ABCD3: variants seen among roughly 807,000 people sequenced by gnomAD.
The protein encoded by ABCD3 is ATP-binding cassette sub-family D member 3.
A neutral mutation model predicts 105.5 loss-of-function variants in ABCD3; 41 were observed. The observed-to-expected ratio is 0.39, with a 90% CI of 0.30 to 0.50. The LOEUF is 0.50. ABCD3 is among the 20% of genes least tolerant of loss of function. The pLI, the probability that ABCD3 is intolerant of heterozygous loss-of-function variation, is 0.84. For missense variants in ABCD3, 622 were observed against 806.3 expected, an observed-to-expected ratio of 0.77 and a Z score of 2.77; for synonymous variants, 258 against 269.0, an observed-to-expected ratio of 0.96 and a Z score of 0.40.
At chr1:94,436,002 T>C (rs1242125693) in intron 1 of ABCD3, among the ~76,000 whole-genome samples, 2 of 152,234 alleles carry the variant, frequency 1.3e-5, no homozygotes, top group African/African-American at 4.8e-5. Context: ...ATAGCTTCCT[T>C]GCTGTCTGTA....
At chr1:94,444,735 G>T (rs1191871905) in intron 1 of ABCD3, among the ~76,000 whole-genome samples, 1 of 152,150 alleles carries the variant, frequency 6.6e-6, no homozygotes, top group Non-Finnish European at 1.5e-5. Flanking sequence ...TCTGTGGGTG[G>T]CTGGGCAGTT....
chr1:94,468,169 C>T (rs1457817133), intron 4 of ABCD3, among the ~76,000 whole-genome samples, 162 bp downstream of exon 4: 2 of 152,158 alleles, frequency 1.3e-5, no homozygotes, highest in African/African-American at 4.8e-5. Context: ...TAGTGTTTCC[C>T]ATGTGCCAGG....
intron 1 of ABCD3, among the ~76,000 whole-genome samples, chr1:94,432,904 G>C (rs905239743): frequency 1.3e-5 from 2 of 151,660 alleles, no homozygotes; most frequent in African/African-American, 4.8e-5. Flanking sequence ...GCTCAGACTG[G>C]AGTGCAGTGG....
At chr1:94,439,053 ATTC>A (rs887022708) in intron 1 of ABCD3, among the ~76,000 whole-genome samples, 1 of 152,186 alleles carries the variant, frequency 6.6e-6, no homozygotes, top group Admixed American at 6.5e-5. Flanking sequence ...CTTTATAGTC[ATTC>A]TTCTTGTCCA....
At chr1:94,511,457 A>C (rs1650668982) in intron 21 of ABCD3, among the ~76,000 whole-genome samples, 1 of 151,860 alleles carries the variant, frequency 6.6e-6, no homozygotes, top group African/African-American at 2.4e-5. Context: ...GGTGAATCTG[A>C]CAATTATGTG....
chr1:94,412,163 A>T, the ABCD3 span, among the ~76,000 whole-genome samples: 1 of 152,206 alleles, frequency 6.6e-6, no homozygotes, highest in Non-Finnish European at 1.5e-5. Context: ...ACGTCACCTC[A>T]TTAAAAAAAT....
Position 94,506,593 on chromosome 1 carries a change from GT to G in ABCD3, c.1797del (p.Ser599ArgfsTer52). On this transcript the variant is annotated frameshift_variant, in exon 21 of 23. Transcript: ENST00000370214. LOFTEE classifies it high-confidence loss of function. ...PQFAILDECT[S>X]AVSVDVEGYI... ...TTTGCCATTTTGGATGAATGCACAAGTGCAGTTAGTGTCGACGTGGAAGGCT... is the reference window on the plus strand; with the variant it reads ...TTTGCCATTTTGGATGAATGCACAAGGCAGTTAGTGTCGACGTGGAAGGCT... 2 of 1,613,066 alleles carry G rather than the reference GT, an allele frequency of 1.2e-6. No homozygotes were observed. Among genetic ancestry groups the G allele is most frequent in the Non-Finnish European group, 1.7e-6 (2 of 1,179,340 alleles).
chr1:94,455,554 A>T (rs769773804), intron 1 of ABCD3, among the ~76,000 whole-genome samples: 4 of 152,100 alleles, frequency 2.6e-5, no homozygotes, highest in Non-Finnish European at 5.9e-5. Flanking sequence ...CAAACTCCCG[A>T]CTTCAGGTGA....
intron 20 of ABCD3, among the ~76,000 whole-genome samples, chr1:94,506,113 T>C (rs1650337885): frequency 6.6e-6 from 1 of 152,174 alleles, no homozygotes; most frequent in Non-Finnish European, 1.5e-5. Context: ...AAATTATTGG[T>C]GAGAATATTA....
intron 13 of ABCD3, among the ~76,000 whole-genome samples, chr1:94,488,910 T>C (rs374740029): frequency 1.8e-4 from 27 of 151,900 alleles, no homozygotes; most frequent in African/African-American, 6.5e-4. Context: ...CCTTTCTTTC[T>C]CTTTTTTCCA....
rs1190764050 is a variant in ABCD3 at position 94,499,577 on chromosome 1, T to C, written c.1703T>C (p.Met568Thr). Residue 568 changes from methionine to threonine, a missense_variant, in exon 20 of 23, where the codon ATG becomes ACG. Physicochemically the swap from Met to Thr is moderately conservative, Grantham distance 81. This residue lies in a region of ABCD3 where 285 missense variants were observed against 352.5 expected (regional missense o/e 0.81). Transcript: ENST00000370214. ...GGCTGGGACAGTGTTCAGGATTGGA[T>C]GGACGTACTCAGTGGTGGAGAAAAG... ...EGGWDSVQDW[M>T]DVLSGGEKQR... The C allele has an allele frequency of 6.2e-6, 10 of 1,613,696 alleles. No homozygotes were observed. The highest frequency in any genetic ancestry group is 7.6e-6 in the Non-Finnish European group (9 of 1,179,830).
At chr1:94,402,798 C>CT in the ABCD3 span, among the ~76,000 whole-genome samples, 77 of 151,582 alleles carry the variant, frequency 5.1e-4, no homozygotes, top group African/African-American at 1.6e-3. Context: ...TACTTCCTCT[C>CT]TTTTTTTTTC....
At chr1:94,413,654 G>GT (rs1237054486), upstream of ABCD3, among the ~76,000 whole-genome samples, 1 of 152,194 alleles carries the variant, frequency 6.6e-6, no homozygotes, top group African/African-American at 2.4e-5. Flanking sequence ...CCTTGGTGCA[G>GT]TTGGGTACCT....
At chr1:94,434,234 A>T (rs866132356) in intron 1 of ABCD3, among the ~76,000 whole-genome samples, 2 of 152,206 alleles carry the variant, frequency 1.3e-5, no homozygotes, top group African/African-American at 4.8e-5. Flanking sequence ...ATCTTGTCCC[A>T]CTGGAAGGTC....
intron 20 of ABCD3, among the ~76,000 whole-genome samples, chr1:94,501,265 GA>G (rs4148065): frequency 0.071 from 4,436 of 62,106 alleles, 71 homozygotes; most frequent in South Asian, 0.17. Flanking sequence ...TGTCTCAAAA[GA>G]AAAAAAAAAA....
At chr1:94,476,850 G>GT (rs1413426115) in intron 7 of ABCD3, among the ~76,000 whole-genome samples, 3 of 151,802 alleles carry the variant, frequency 2.0e-5, no homozygotes, top group Non-Finnish European at 2.9e-5. Flanking sequence ...TTTCTTTTCT[G>GT]TTCCCATTAC....
At chr1:94,474,083 G>GT (rs1298188845) in intron 5 of ABCD3, among the ~76,000 whole-genome samples, 1 of 148,702 alleles carries the variant, frequency 6.7e-6, no homozygotes. Context: ...TGGGTGAGGG[G>GT]TTTTTTGGCA....
chr1:94,418,569 C>T lies in ABCD3; in HGVS notation c.91C>T (p.Arg31Cys). Reference protein sequence around the residue: ...LLLCLLHKRRRALGLHGKKSG... With the variant: ...LLLCLLHKRRCALGLHGKKSG... ...GCTCTGCCTGCTCCACAAGCGGCGC[C>T]GCGCCCTCGGCCTGCACGGGTAAGA... The change falls in exon 1 of 23, where the codon CGC (arginine) becomes TGC (cysteine). Residue 31 changes from arginine to cysteine, a missense_variant. Arg to Cys is a radical substitution (Grantham distance 180). Coordinates refer to ENST00000370214, the MANE Select transcript of ABCD3 (RefSeq NM_002858.4). 6.2e-7 allele frequency: 1 copy of T among 1,600,508 alleles called. No individual in the cohort carries two copies. Among genetic ancestry groups the T allele is most frequent in the East Asian group, 2.2e-5 (1 of 44,516 alleles).
At chr1:94,449,760 T>A (rs1219174777) in intron 1 of ABCD3, among the ~76,000 whole-genome samples, 1 of 152,216 alleles carries the variant, frequency 6.6e-6, no homozygotes, top group Admixed American at 6.5e-5. Flanking sequence ...TCTCTCAGTC[T>A]GCGTGCCACA....
Sources: gnomAD v4.1 joint callset for allele counts (sites outside exome capture counted in the v4.1 genomes callset) on GRCh38, gnomAD v4.1.1 for gene constraint, gnomAD v4.1.1 regional missense constraint, MANE v1.5 for transcripts, NCBI Gene and HGNC (gene_info 2026-07-23, HGNC 2026-07-21) for gene names.